MALRD1: variants seen among roughly 807,000 people sequenced by gnomAD.
The protein encoded by MALRD1 is MAM and LDL receptor class A domain containing 1.
A neutral mutation model predicts 242.1 loss-of-function variants in MALRD1; 247 were observed. The observed-to-expected ratio is 1.02, with a 90% CI of 0.92 to 1.13. The LOEUF is 1.13. Among genes scored for constraint, MALRD1 ranks in the 50% most tolerant of loss-of-function variants. The probability of loss-of-function intolerance (pLI) is 0.00; values close to 1 mark genes in which losing one functional copy is unlikely to be tolerated. For synonymous variants in MALRD1, 995 were observed against 866.6 expected (o/e 1.15, Z -2.60); for missense variants, 2,989 against 2,533.1 (o/e 1.18, Z -3.86).
chr10:19,548,400 A>C (rs1364833874), intron 32 of MALRD1, among the ~76,000 whole-genome samples: 1 of 152,008 alleles, frequency 6.6e-6, no homozygotes, highest in Admixed American at 6.6e-5. Context: ...AAGTGGACAT[A>C]ATATTTTTGC....
At chr10:19,525,916 A>G (rs1834078461) in intron 31 of MALRD1, among the ~76,000 whole-genome samples, 1 of 152,302 alleles carries the variant, frequency 6.6e-6, no homozygotes, top group African/African-American at 2.4e-5. Context: ...ACAGTCCAAA[A>G]TCAAACAAAT....
chr10:19,334,119 G>GT (rs56931838), intron 24 of MALRD1, among the ~76,000 whole-genome samples: 1,082 of 66,766 alleles, frequency 0.016, 79 homozygotes, highest in Middle Eastern at 0.08. Context: ...CTGTTGGTAG[G>GT]TTTTTTTTTT....
intron 36 of MALRD1, among the ~76,000 whole-genome samples, chr10:19,667,710 C>T (rs1305871225): frequency 6.6e-6 from 1 of 152,100 alleles, no homozygotes; most frequent in Non-Finnish European, 1.5e-5. Context: ...GAGGCTTCAC[C>T]AGAAGCTGAG....
Position 19,595,242 on chromosome 10 carries a change from G to A in MALRD1, c.5729G>A (p.Cys1910Tyr). The stretch of plus-strand genomic sequence containing the variant: ...CCCTGTGAAGCTGATCAGTTTTCTT[G>A]TATCTACACACTCCAATGTGTCCCT... The part of the protein sequence containing the change: ...PSPCEADQFS[C>Y]IYTLQCVPLS... Residue 1910 changes from cysteine (C) to tyrosine (Y), a missense_variant, in exon 34 of 40, where the codon TGT (cysteine) becomes TAT (tyrosine). Coordinates refer to ENST00000454679, the MANE Select transcript of MALRD1 (RefSeq NM_001142308.3). 1 of 1,550,274 alleles carries A rather than the reference G, an allele frequency of 6.5e-7. No homozygotes were observed. The highest frequency in any genetic ancestry group is 1.2e-5 in the South Asian group (1 of 84,042).
At chr10:19,729,791 C>T (rs1269007367) in intron 38 of MALRD1, among the ~76,000 whole-genome samples, 2 of 112,792 alleles carry the variant, frequency 1.8e-5, no homozygotes, top group Admixed American at 1.4e-4. Context: ...GGCTGGAGTG[C>T]AGTGGCGCGA....
chr10:19,277,405 C>T (rs968441607), intron 19 of MALRD1, among the ~76,000 whole-genome samples: 7 of 152,134 alleles, frequency 4.6e-5, no homozygotes, highest in African/African-American at 1.7e-4. Flanking sequence ...TACCTGGTAG[C>T]CTAATATTCC....
chr10:19,589,777 C>T (rs1837664047), intron 33 of MALRD1, among the ~76,000 whole-genome samples: 2 of 152,196 alleles, frequency 1.3e-5, no homozygotes, highest in South Asian at 4.1e-4. Context: ...TTCTTTTGTA[C>T]ATCCCTTCAT....
intron 10 of MALRD1, among the ~76,000 whole-genome samples, chr10:19,139,557 G>A (rs1479609885): frequency 6.6e-6 from 1 of 152,160 alleles, no homozygotes; most frequent in Non-Finnish European, 1.5e-5. Context: ...CGTGAGGATT[G>A]TCAGTTGGTA....
intron 28 of MALRD1, among the ~76,000 whole-genome samples, chr10:19,416,997 A>G (rs1833536392): frequency 1.3e-5 from 2 of 152,204 alleles, no homozygotes; most frequent in South Asian, 4.1e-4. Flanking sequence ...TTGACTGTTC[A>G]GTCACATTCA....
intron 33 of MALRD1, among the ~76,000 whole-genome samples, chr10:19,579,673 A>G (rs1157778017): frequency 6.6e-6 from 1 of 152,178 alleles, no homozygotes; most frequent in Non-Finnish European, 1.5e-5. Flanking sequence ...TTTATGGGGA[A>G]GAACGTGAGT....
At chr10:19,543,451 T>A (rs1240385349) in intron 32 of MALRD1, among the ~76,000 whole-genome samples, 1 of 143,722 alleles carries the variant, frequency 7.0e-6, no homozygotes, top group Non-Finnish European at 1.5e-5. Context: ...TTTTTTTTTT[T>A]GAGAGAGAAA....
intron 29 of MALRD1, among the ~76,000 whole-genome samples, chr10:19,481,625 A>T (rs1199317421): frequency 6.6e-6 from 1 of 152,174 alleles, no homozygotes; most frequent in Non-Finnish European, 1.5e-5. Flanking sequence ...TTATGTAAAT[A>T]TGAATCTTCT....
intron 32 of MALRD1, among the ~76,000 whole-genome samples, chr10:19,546,728 C>T (rs1366439494): frequency 6.6e-6 from 1 of 152,070 alleles, no homozygotes; most frequent in Non-Finnish European, 1.5e-5. Context: ...AAAAAGTTTC[C>T]ATTTGATTTA....
chr10:19,513,464 G>T (rs532918512), intron 31 of MALRD1, among the ~76,000 whole-genome samples: 23 of 151,324 alleles, frequency 1.5e-4, no homozygotes, highest in Admixed American at 9.9e-4. Flanking sequence ...ACCTGGCCGG[G>T]CGTGGTGGCT....
chr10:19,055,914 G>A (rs1374288538), intron 1 of MALRD1, among the ~76,000 whole-genome samples: 2 of 152,014 alleles, frequency 1.3e-5, no homozygotes, highest in African/African-American at 4.8e-5. Flanking sequence ...TACCTGGGTA[G>A]CAAAATAATC....
chr10:19,531,476 AT>A (rs1212611921), intron 32 of MALRD1, 125 bp downstream of exon 32: 2 of 943,868 alleles, frequency 2.1e-6, no homozygotes, highest in East Asian at 5.7e-5. Flanking sequence ...TTAATTTCTC[AT>A]TTCTTTCTGG....
chr10:19,054,899 T>C (rs1203707308), intron 1 of MALRD1, among the ~76,000 whole-genome samples: 1 of 152,198 alleles, frequency 6.6e-6, no homozygotes, highest in Non-Finnish European at 1.5e-5. Context: ...GATTTTCTCT[T>C]CTTCAGAAAT....
intron 19 of MALRD1, among the ~76,000 whole-genome samples, chr10:19,273,389 G>A (rs1840351166): frequency 6.6e-6 from 1 of 152,084 alleles, no homozygotes; most frequent in African/African-American, 2.4e-5. Flanking sequence ...AAGTGCTTTA[G>A]TATTTACCCA....
rs955389126 is a variant in MALRD1, at chr10:19,352,275, A to G, written c.4419A>G (p.Glu1473=). ...CACTCCATGATTCCGTGCAAGAAGA[A>G]CTGGCAGTGCCTCTTCCAACAGGTA... ...CLSLHDSVQE[E]LAVPLPTGFC... The change falls in exon 26 of 40, where the codon GAA becomes GAG. Residue 1473 remains glutamate, a synonymous_variant. Transcript: ENST00000454679. 1 of 1,548,812 alleles carries G rather than the reference A, an allele frequency of 6.5e-7. No individual in the cohort carries two copies. The highest frequency in any genetic ancestry group is 8.7e-7 in the Non-Finnish European group (1 of 1,146,582).
Sources: gnomAD v4.1 joint callset for allele counts (sites outside exome capture counted in the v4.1 genomes callset) on GRCh38, gnomAD v4.1.1 for gene constraint, MANE v1.5 for transcripts, NCBI Gene and HGNC (gene_info 2026-07-23, HGNC 2026-07-21) for gene names.